Variants in ADA observed in about 807,000 individuals in gnomAD.
The protein encoded by ADA is adenosine deaminase, also known as adenosine aminohydrolase.
ADA carries 45 observed loss-of-function variants against 49.0 expected under a neutral mutation model. The ratio of observed to expected loss-of-function variants is 0.92; its 90% CI spans 0.72 to 1.18. The LOEUF (loss-of-function observed/expected upper bound fraction) is 1.18, where lower values mean the gene tolerates loss of function less well. Among genes scored for constraint, ADA ranks in the 50% most tolerant of loss-of-function variants. The probability of loss-of-function intolerance (pLI) is 0.00; values close to 1 mark genes in which losing one functional copy is unlikely to be tolerated. For synonymous variants in ADA, 173 were observed against 184.2 expected, an observed-to-expected ratio of 0.94 and a Z score of 0.49; for missense variants, 445 against 472.5, an observed-to-expected ratio of 0.94 and a Z score of 0.54.
chr20:44,638,667 G>C (rs1413141670), intron 1 of ADA, among the ~76,000 whole-genome samples: 1 of 152,222 alleles, frequency 6.6e-6, no homozygotes, highest in Non-Finnish European at 1.5e-5. Flanking sequence ...GAGGGTCCAA[G>C]TCCTGTTCCT....
chr20:44,647,810 C>A (rs1200585655), intron 1 of ADA, among the ~76,000 whole-genome samples: 1 of 151,364 alleles, frequency 6.6e-6, no homozygotes, highest in Non-Finnish European at 1.5e-5. Flanking sequence ...CCAGCTACTC[C>A]GGAGGCTGAG....
intron 1 of ADA, among the ~76,000 whole-genome samples, chr20:44,641,298 G>A (rs369266251): frequency 1.3e-5 from 2 of 152,138 alleles, no homozygotes; most frequent in Non-Finnish European, 2.9e-5. Flanking sequence ...AAAACACGTA[G>A]TCAAGATTGG....
At chr20:44,639,366 G>C (rs1312689949) in intron 1 of ADA, among the ~76,000 whole-genome samples, 2 of 152,054 alleles carry the variant, frequency 1.3e-5, no homozygotes, top group African/African-American at 4.8e-5. Flanking sequence ...TGCGGGGGAG[G>C]GAGGCATGAT....
At chr20:44,635,902 G>GAA (rs5841559) in intron 2 of ADA, among the ~76,000 whole-genome samples, 23 of 144,724 alleles carry the variant, frequency 1.6e-4, no homozygotes, top group South Asian at 8.7e-4. Context: ...TATCTCAAAA[G>GAA]AAAAAAAAAA....
rs1175191637 is a variant in ADA, at chr20:44,622,568, C to T, written c.845+20G>A. 3 of 1,614,176 alleles carry T rather than the reference C, an allele frequency of 1.9e-6. No homozygotes were observed. The highest frequency in any genetic ancestry group is 1.7e-5 in the Admixed American group (1 of 60,030). On this transcript the variant is annotated intron_variant, in intron 9 of 11. Coordinates refer to ENST00000372874, the MANE Select transcript of ADA (RefSeq NM_000022.4). ...CCTTCCTGGAACAAAATTGAACAGG[C>T]CCAGGGGAACAGAGCTCACCGAATG...
intron 3 of ADA, among the ~76,000 whole-genome samples, chr20:44,627,342 C>T (rs1399802100): frequency 3.9e-5 from 6 of 152,192 alleles, no homozygotes; most frequent in East Asian, 3.9e-4. Flanking sequence ...CCACCACGCC[C>T]GGCTAATTTT....
intron 11 of ADA, among the ~76,000 whole-genome samples, chr20:44,620,051 C>T (rs1020759146): frequency 2.0e-5 from 3 of 152,214 alleles, no homozygotes; most frequent in African/African-American, 7.2e-5. Flanking sequence ...ATGGAGGTGT[C>T]CCCAACTGCC....
In ADA at chr20:44,625,630, C is replaced by A. The variant is rs2065374844; in HGVS notation, c.417G>T (p.Glu139Asp). Residue 139 changes from glutamate to aspartate, a missense_variant, in exon 5 of 12, where the codon GAG becomes GAT. Glu to Asp is a conservative substitution (Grantham distance 45). Coordinates refer to ENST00000372874, the MANE Select transcript of ADA (RefSeq NM_000022.4). ...VVALVGQGLQ[E>D]GERDFGVKAR... The stretch of plus-strand genomic sequence containing the variant: ...CCTTGACCCCGAAGTCTCGCTCCCC[C>A]TCCTGCAGGCCCTGGCCCACTAGGG... 2.5e-6 allele frequency: 4 copies of A among 1,582,938 alleles called. No homozygotes were observed. In the South Asian group the frequency reaches 4.6e-5, roughly 18 times the overall value.
chr20:44,636,322 G>GGA, intron 1 of ADA, 34 bp from the exon 2 acceptor site: 2 of 1,536,638 alleles, frequency 1.3e-6, no homozygotes, highest in South Asian at 1.2e-5. Flanking sequence ...AGAGAGAAAG[G>GGA]GAGAGAGAGA....
At chr20:44,623,987 T>C in intron 6 of ADA, 1 of 602,456 alleles carries the variant, frequency 1.7e-6, no homozygotes, top group African/African-American at 1.8e-5. Flanking sequence ...GCTCAAGCAA[T>C]CCTCCTGCCT....
chr20:44,622,463 C>T, intron 9 of ADA, 125 bp downstream of exon 9: 1 of 1,180,686 alleles, frequency 8.5e-7, no homozygotes, highest in Non-Finnish European at 1.2e-6. Context: ...TGCCTGCTTC[C>T]CAGGGTGTCG....
At chr20:44,621,682 G>A (rs934085218) in intron 9 of ADA, among the ~76,000 whole-genome samples, 5 of 152,098 alleles carry the variant, frequency 3.3e-5, no homozygotes, top group African/African-American at 1.2e-4. Flanking sequence ...CCTTTTCCCT[G>A]GATTTCTGTG....
chr20:44,644,373 C>T (rs1012070661), intron 1 of ADA, among the ~76,000 whole-genome samples: 6 of 152,074 alleles, frequency 3.9e-5, no homozygotes, highest in African/African-American at 1.4e-4. Context: ...ATGACCACAC[C>T]GTTATTTCCT....
chr20:44,629,853 T>C (rs1326492255), intron 2 of ADA, among the ~76,000 whole-genome samples: 1 of 151,962 alleles, frequency 6.6e-6, no homozygotes, highest in Non-Finnish European at 1.5e-5. Context: ...CCTCCATTTC[T>C]CCCCAAGCAT....
intron 1 of ADA, among the ~76,000 whole-genome samples, chr20:44,649,493 T>C (rs2065621822): frequency 6.6e-6 from 1 of 152,004 alleles, no homozygotes; most frequent in Non-Finnish European, 1.5e-5. Flanking sequence ...CATAAGCAGC[T>C]GATGTTCCAT....
At position 44,623,089 on chromosome 20, in the gene ADA, G is replaced by A. The variant is rs781256197; in HGVS notation, c.607-11C>T. ...GCTCTTCACAGCCTCCTGGAAGGGG[G>A]AGAGCCAGGTCATGGGTGCCCTAGC... On this transcript the variant is annotated splice_polypyrimidine_tract_variant and intron_variant, in intron 6 of 11. Transcript: ENST00000372874. 2.5e-6 allele frequency: 4 copies of A among 1,613,946 alleles called. No individual in the cohort carries two copies. The East Asian group carries it at 8.9e-5, about 36-fold the overall frequency.
chr20:44,645,768 A>G (rs1314695244), intron 1 of ADA, among the ~76,000 whole-genome samples: 1 of 152,168 alleles, frequency 6.6e-6, no homozygotes, highest in African/African-American at 2.4e-5. Context: ...GGGGAAACTG[A>G]GGCACCGTGA....
chr20:44,636,557 T>C lies in ADA; in HGVS notation c.34-269A>G, dbSNP rs2065482555. Among the ~76,000 whole-genome samples, 3 of 152,122 alleles carry C rather than the reference T, an allele frequency of 2.0e-5. No homozygotes were observed. The South Asian group carries it at 6.2e-4, about 32-fold the overall frequency. On this transcript the variant is annotated intron_variant, in intron 1 of 11. Coordinates refer to ENST00000372874, the MANE Select transcript of ADA (RefSeq NM_000022.4). ...AGGTTCGGAGGTGTTAAATATCTCA[T>C]CCAAGGCCACACAGATTGCAAGTAA...
At chr20:44,649,518 C>T (rs1256664729) in intron 1 of ADA, among the ~76,000 whole-genome samples, 1 of 151,994 alleles carries the variant, frequency 6.6e-6, no homozygotes, top group African/African-American at 2.4e-5. Context: ...CAGGTGTGGA[C>T]ACTGAGGTCC....
Sources: gnomAD v4.1 joint callset for allele counts (sites outside exome capture counted in the v4.1 genomes callset) on GRCh38, gnomAD v4.1.1 for gene constraint, MANE v1.5 for transcripts, NCBI Gene and HGNC (gene_info 2026-07-23, HGNC 2026-07-21) for gene names.